CHL1: variants seen among roughly 807,000 people sequenced by gnomAD.
CHL1 encodes cell adhesion molecule L1 like.
Under a neutral mutation model 141.9 loss-of-function variants are expected in CHL1, and 96 were observed. The observed-to-expected ratio is 0.68, with a 90% CI of 0.57 to 0.80. The LOEUF is 0.80. CHL1 is among the 30% of genes least tolerant of loss of function. CHL1 has a pLI of 0.00. For missense variants in CHL1, 1,820 were observed against 1,457.2 expected, an observed-to-expected ratio of 1.25 and a Z score of -4.05; for synonymous variants, 613 against 502.2, an observed-to-expected ratio of 1.22 and a Z score of -2.95.
rs1410974643 is a variant in CHL1, at chr3:274,858, T to A, written c.-95+30166T>A. ...GCAAGAAATATTATTGATGTCTTAT[T>A]GAATCCTGTTGCTTTCTGTATATAC... is the stretch of plus-strand genomic sequence containing the variant. On this transcript the variant is annotated intron_variant, in intron 2 of 27. Coordinates refer to ENST00000256509, the MANE Select transcript of CHL1 (RefSeq NM_006614.4). 3.9e-5 allele frequency among the ~76,000 whole-genome samples: 6 copies of A among 152,354 alleles called. No homozygotes were observed. In the South Asian group the frequency reaches 1.2e-3, roughly 32 times the overall value.
At chr3:298,066 A>G (rs1453398889) in intron 2 of CHL1, among the ~76,000 whole-genome samples, 1 of 152,220 alleles carries the variant, frequency 6.6e-6, no homozygotes, top group Non-Finnish European at 1.5e-5. Context: ...CTGAGTGTAT[A>G]TACAACCAGT....
At chr3:202,102 A>G (rs1390662850) in intron 1 of CHL1, among the ~76,000 whole-genome samples, 1 of 152,178 alleles carries the variant, frequency 6.6e-6, no homozygotes, top group Non-Finnish European at 1.5e-5. Flanking sequence ...GGTGTGTGGC[A>G]TTGGCTTAGT....
At chr3:377,520 C>T (rs1411089940) in intron 15 of CHL1, among the ~76,000 whole-genome samples, 3 of 152,136 alleles carry the variant, frequency 2.0e-5, no homozygotes, top group African/African-American at 4.8e-5. Flanking sequence ...AGGTATGATG[C>T]ACTCTTTAAA....
At chr3:352,241 T>A (rs907710014) in intron 10 of CHL1, among the ~76,000 whole-genome samples, 1 of 152,182 alleles carries the variant, frequency 6.6e-6, no homozygotes, top group Admixed American at 6.5e-5. Context: ...TAAATCCAAT[T>A]TTTGTTGAAC....
chr3:323,123 G>C, intron 3 of CHL1, among the ~76,000 whole-genome samples: 1 of 151,872 alleles, frequency 6.6e-6, no homozygotes, highest in East Asian at 1.9e-4. Flanking sequence ...TTAAAGTTAT[G>C]ACTGACAAAT....
At chr3:218,747 A>G (rs1247248220) in intron 1 of CHL1, among the ~76,000 whole-genome samples, 2 of 152,224 alleles carry the variant, frequency 1.3e-5, no homozygotes, top group Non-Finnish European at 2.9e-5. Flanking sequence ...TATGAGGAAA[A>G]AGACAACAGA....
At chr3:356,272 A>T (rs1575149713) in intron 11 of CHL1, among the ~76,000 whole-genome samples, 1 of 152,258 alleles carries the variant, frequency 6.6e-6, no homozygotes, top group African/African-American at 2.4e-5. Flanking sequence ...ATTCTCCGGA[A>T]CACAAAATCA....
At chr3:337,680 T>G (rs1354349927) in intron 5 of CHL1, among the ~76,000 whole-genome samples, 1 of 152,198 alleles carries the variant, frequency 6.6e-6, no homozygotes, top group Non-Finnish European at 1.5e-5. Flanking sequence ...ACCATGTCCC[T>G]ACAAAGGACA....
At chr3:398,190 T>C in intron 24 of CHL1, 37 bp from the exon 25 acceptor site, 1 of 1,411,596 alleles carries the variant, frequency 7.1e-7, no homozygotes, top group Non-Finnish European at 9.6e-7. Context: ...TTTTCCATGA[T>C]TACAATTCAC....
At chr3:377,191 T>C (rs1706437124) in intron 15 of CHL1, among the ~76,000 whole-genome samples, 1 of 152,154 alleles carries the variant, frequency 6.6e-6, no homozygotes, top group African/African-American at 2.4e-5. Context: ...TGATCACAAA[T>C]TGGTAAAAAC....
chr3:231,535 T>C (rs911037255), intron 1 of CHL1, among the ~76,000 whole-genome samples: 1 of 151,800 alleles, frequency 6.6e-6, no homozygotes, highest in South Asian at 2.1e-4. Context: ...TTCATTGAAA[T>C]TTTCAGTTGG....
chr3:328,144 T>A (rs532325027), intron 4 of CHL1, 23 bp from the exon 5 acceptor site: 6 of 1,573,800 alleles, frequency 3.8e-6, no homozygotes, highest in African/African-American at 2.7e-5. Context: ...TTCAGGATTA[T>A]TAAGTTCAGT....
chr3:225,540 A>AACAATTT (rs1574764848), intron 1 of CHL1, among the ~76,000 whole-genome samples: 1 of 152,328 alleles, frequency 6.6e-6, no homozygotes, highest in East Asian at 1.9e-4. Context: ...ACACATCTTT[A>AACAATTT]TATTTCTTTA....
chr3:376,512 A>G, intron 15 of CHL1: 1 of 457,718 alleles, frequency 2.2e-6, no homozygotes, highest in Non-Finnish European at 4.3e-6. Flanking sequence ...CATTTGTGAG[A>G]CTGGAAACAA....
chr3:210,474 TG>T (rs1161067598), intron 1 of CHL1, among the ~76,000 whole-genome samples: 2 of 152,200 alleles, frequency 1.3e-5, no homozygotes, highest in African/African-American at 4.8e-5. Flanking sequence ...CAAGGAGGGC[TG>T]AGCTCAGCTG....
chr3:264,011 C>T (rs1281418759), intron 2 of CHL1, among the ~76,000 whole-genome samples: 1 of 152,240 alleles, frequency 6.6e-6, no homozygotes, highest in African/African-American at 2.4e-5. Context: ...TGCACTATCA[C>T]AGTCTTAGAC....
chr3:200,651 G>A (rs1384180968), intron 1 of CHL1, among the ~76,000 whole-genome samples: 1 of 152,150 alleles, frequency 6.6e-6, no homozygotes, highest in South Asian at 2.1e-4. Context: ...ATTGTGCTAA[G>A]CATTCTTTCA....
At position 361,727 on chromosome 3, in the gene CHL1, T is replaced by A; in HGVS notation, c.1335T>A (p.Asp445Glu). The change falls in exon 13 of 28, where the codon GAT becomes GAA. Residue 445 changes from aspartate (D) to glutamate (E), a missense_variant. Transcript: ENST00000256509. Reference protein sequence around the residue: ...VDVRPLIQTKDGENYATVVGY... With the variant: ...VDVRPLIQTKEGENYATVVGY... ...TCCGTCCATTGATACAAACCAAAGA[T>A]GGAGAAAATTACGCTACAGTGGTTG... 1 of 1,613,266 alleles carries A rather than the reference T, an allele frequency of 6.2e-7. No homozygotes were observed. Among genetic ancestry groups the A allele is most frequent in the Non-Finnish European group, 8.5e-7 (1 of 1,179,282 alleles).
intron 1 of CHL1, among the ~76,000 whole-genome samples, chr3:204,685 T>C (rs552039626): frequency 6.6e-6 from 1 of 152,174 alleles, no homozygotes. Context: ...TCAAAAGAAA[T>C]AACACGTCTC....
Sources: allele counts gnomAD v4.1 joint callset (sites outside exome capture counted in the v4.1 genomes callset), GRCh38; gene constraint gnomAD v4.1.1; transcripts MANE v1.5; gene names NCBI Gene and HGNC (gene_info 2026-07-23, HGNC 2026-07-21).